The following MEGF6 variants were observed in gnomAD, a reference collection of about 807,000 sequenced individuals.
MEGF6 encodes multiple epidermal growth factor-like domains protein 6.
A neutral mutation model predicts 207.1 loss-of-function variants in MEGF6; 184 were observed. That is an observed-to-expected ratio of 0.89 (90% CI 0.79 to 1.00). The LOEUF (loss-of-function observed/expected upper bound fraction) is 1.00, where lower values mean the gene tolerates loss of function less well. Among genes scored for constraint, MEGF6 ranks in the 50% least tolerant of loss-of-function variants. The pLI, the probability that MEGF6 is intolerant of heterozygous loss-of-function variation, is 0.00. For missense variants in MEGF6, 2,282 were observed against 2,202.9 expected (o/e 1.04, Z -0.72); for synonymous variants, 1,038 against 910.0 (o/e 1.14, Z -2.53).
intron 36 of MEGF6, 93 bp from the exon 37 acceptor site, chr1:3,490,682 C>G: frequency 7.4e-7 from 1 of 1,354,136 alleles, no homozygotes. Flanking sequence ...CCTCCCACCC[C>G]TCCCTTCAGC....
chr1:3,566,006 G>A (rs1393624727), intron 4 of MEGF6, among the ~76,000 whole-genome samples: 1 of 152,200 alleles, frequency 6.6e-6, no homozygotes, highest in Non-Finnish European at 1.5e-5. Flanking sequence ...TCCCACCACG[G>A]TGGGTGACCT....
In MEGF6 at chr1:3,510,716, G is replaced by A. The variant is rs547526870; in HGVS notation, c.1234+67C>T. 4.8e-5 allele frequency: 74 copies of A among 1,535,156 alleles called. No homozygotes were observed. In the African/African-American group the frequency reaches 5.0e-4, roughly 10 times the overall value. ...CCATGGGGGTACCAGAGCCAGCCCCGTGTCCTTCCTTAGGGCAGCCCTGCT... is the reference window on the plus strand; with the variant it reads ...CCATGGGGGTACCAGAGCCAGCCCCATGTCCTTCCTTAGGGCAGCCCTGCT... On this transcript the variant is annotated intron_variant, in intron 10 of 36. Coordinates refer to ENST00000356575, the MANE Select transcript of MEGF6 (RefSeq NM_001409.4).
chr1:3,504,084 C>A (rs1251678420), intron 17 of MEGF6, among the ~76,000 whole-genome samples: 1 of 152,050 alleles, frequency 6.6e-6, no homozygotes, highest in Non-Finnish European at 1.5e-5. Flanking sequence ...GGGCTTGAGT[C>A]CAGAGAGCCC....
chr1:3,568,207 T>A (rs1480363873), intron 4 of MEGF6, among the ~76,000 whole-genome samples: 1 of 151,346 alleles, frequency 6.6e-6, no homozygotes, highest in Non-Finnish European at 1.5e-5. Flanking sequence ...ATTCCTGGAG[T>A]GATGAGGGGG....
At chr1:3,610,032 G>T (rs1205530521) in intron 1 of MEGF6, among the ~76,000 whole-genome samples, 1 of 152,214 alleles carries the variant, frequency 6.6e-6, no homozygotes, top group African/African-American at 2.4e-5. Flanking sequence ...AGCTCTCCTC[G>T]GACAAAGGCA....
At position 3,501,872 on chromosome 1, in the gene MEGF6, A is replaced by C. The variant is rs533066092; in HGVS notation, c.2238T>G (p.Cys746Trp). Reference sequence around the variant, plus strand: ...TGACCCCGTGGCAGGGGGCCCCCCCACAGGAGCAGGAGCTCGAGCAGTTCA... The same window carrying C: ...TGACCCCGTGGCAGGGGGCCCCCCCCCAGGAGCAGGAGCTCGAGCAGTTCA... Reference protein sequence around the residue: ...FGVNCSSSCSCGGAPCHGVTG... With the variant: ...FGVNCSSSCSWGGAPCHGVTG... Residue 746 changes from cysteine to tryptophan, a missense_variant, in exon 18 of 37, where the codon TGT becomes TGG. By Grantham distance (215) the Cys-to-Trp change is radical. Coordinates refer to ENST00000356575, the MANE Select transcript of MEGF6 (RefSeq NM_001409.4). The C allele has an allele frequency of 6.2e-7, 1 of 1,608,182 alleles. No individual in the cohort carries two copies. Among genetic ancestry groups the C allele is most frequent in the South Asian group, 1.1e-5 (1 of 90,700 alleles).
At chr1:3,510,585 G>A (rs911066306) in intron 10 of MEGF6, among the ~76,000 whole-genome samples, 198 bp downstream of exon 10, 11 of 147,242 alleles carry the variant, frequency 7.5e-5, no homozygotes, top group African/African-American at 1.3e-4. Flanking sequence ...AGCCCTGCAC[G>A]CAGCAGGCGC....
chr1:3,609,133 G>C (rs1644292610), intron 1 of MEGF6, among the ~76,000 whole-genome samples: 1 of 152,216 alleles, frequency 6.6e-6, no homozygotes, highest in Admixed American at 6.5e-5. Flanking sequence ...GGGGAGGACA[G>C]GATCAGCAGG....
At chr1:3,575,982 C>T (rs559839944) in intron 4 of MEGF6, among the ~76,000 whole-genome samples, 4 of 126,818 alleles carry the variant, frequency 3.2e-5, no homozygotes, top group South Asian at 2.5e-4. Flanking sequence ...CACAAAACAT[C>T]GCCAAATCTC....
In MEGF6 at chr1:3,504,637, CGCTGGTCCATCTCTCA is replaced by C. The variant is rs1341122086; in HGVS notation, c.2188+555_2188+570del. ...CCCAGGAATACCTAAGCATGGACTC[CGCTGGTCCATCTCTCA>C]GCCAGCTCCTAACAGCCTCCTCCCC... On this transcript the variant is annotated intron_variant, in intron 17 of 36. Coordinates refer to ENST00000356575, the MANE Select transcript of MEGF6 (RefSeq NM_001409.4). Among the ~76,000 whole-genome samples the C allele has an allele frequency of 8.5e-5, 13 of 152,224 alleles. No homozygotes were observed. In the East Asian group the frequency reaches 2.3e-3, roughly 27 times the overall value.
intron 4 of MEGF6, among the ~76,000 whole-genome samples, chr1:3,578,704 C>T (rs1643710793): frequency 1.0e-5 from 1 of 95,776 alleles, no homozygotes; most frequent in Non-Finnish European, 2.8e-5. Flanking sequence ...CCAGCACCAA[C>T]TGTCCGCCTT....
chr1:3,606,336 G>T (rs902638794), intron 1 of MEGF6, among the ~76,000 whole-genome samples: 2 of 152,210 alleles, frequency 1.3e-5, no homozygotes, highest in African/African-American at 4.8e-5. Context: ...GCGTGTGTTT[G>T]CCCAAGCCCA....
the MEGF6 span, among the ~76,000 whole-genome samples, chr1:3,621,790 G>C: frequency 6.6e-6 from 1 of 152,202 alleles, no homozygotes; most frequent in Non-Finnish European, 1.5e-5. Flanking sequence ...CCCACCCCTT[G>C]CATCAGTGTG....
At chr1:3,548,198 G>C (rs1028110976) in intron 4 of MEGF6, among the ~76,000 whole-genome samples, 3 of 152,220 alleles carry the variant, frequency 2.0e-5, no homozygotes, top group Admixed American at 6.5e-5. Context: ...AGATGAGGCC[G>C]ACCTTTCCCA....
chr1:3,618,904 G>C, the MEGF6 span, among the ~76,000 whole-genome samples: 1 of 152,198 alleles, frequency 6.6e-6, no homozygotes, highest in Non-Finnish European at 1.5e-5. This position sits in a 1 kb window ranked among gnomAD's most constrained non-coding sequence, Gnocchi z 4.7. Context: ...CCTCCAACCT[G>C]GGGGAGCTGG....
At position 3,498,380 on chromosome 1, in the gene MEGF6, A is replaced by G; in HGVS notation, c.3343T>C (p.Cys1115Arg). 6.2e-7 allele frequency: 1 copy of G among 1,601,696 alleles called. No individual in the cohort carries two copies. The highest frequency in any genetic ancestry group is 1.1e-5 in the South Asian group (1 of 90,676). Reference protein sequence around the residue: ...LCPAGWTGDKCQSPCLRGWFG... With the variant: ...LCPAGWTGDKRQSPCLRGWFG... ...GCCCCGCCCCACTCACGGCTCTGAC[A>G]CTTGTCCCCAGTCCAGCCGGCTGGG... is the stretch of plus-strand genomic sequence containing the variant. The change falls in exon 26 of 37, where the codon TGT (cysteine) becomes CGT (arginine). Residue 1115 changes from cysteine (C) to arginine (R), a missense_variant. Cys to Arg is a radical substitution (Grantham distance 180, BLOSUM62 -3). Coordinates refer to ENST00000356575, the MANE Select transcript of MEGF6 (RefSeq NM_001409.4).
chr1:3,506,768 C>A (rs576828671), intron 14 of MEGF6, among the ~76,000 whole-genome samples: 1 of 152,222 alleles, frequency 6.6e-6, no homozygotes, highest in Non-Finnish European at 1.5e-5. Flanking sequence ...ACTACATACA[C>A]GTCCTAGTCC....
intron 6 of MEGF6, among the ~76,000 whole-genome samples, chr1:3,515,125 C>A (rs1641497091): frequency 6.6e-6 from 1 of 152,204 alleles, no homozygotes; most frequent in South Asian, 2.1e-4. Context: ...TCAGCAAAGC[C>A]CCCCCTTTCC....
intron 4 of MEGF6, among the ~76,000 whole-genome samples, chr1:3,541,595 G>T (rs1336420901): frequency 1.3e-5 from 2 of 152,170 alleles, no homozygotes; most frequent in Non-Finnish European, 2.9e-5. Flanking sequence ...CCGCGGGAGA[G>T]GCACAGCTGG....
Sources: allele counts gnomAD v4.1 joint callset (sites outside exome capture counted in the v4.1 genomes callset), GRCh38; gene constraint gnomAD v4.1.1; non-coding constraint Gnocchi (gnomAD v3.1); transcripts MANE v1.5; gene names NCBI Gene and HGNC (gene_info 2026-07-23, HGNC 2026-07-21).